SPRY3: variants seen among roughly 807,000 people sequenced by gnomAD.
SPRY3 encodes protein sprouty homolog 3.
A neutral mutation model predicts 20.2 loss-of-function variants in SPRY3; 15 were observed. The ratio of observed to expected loss-of-function variants is 0.74; its 90% CI spans 0.50 to 1.14. The LOEUF is 1.14. SPRY3 is among the 50% of genes most tolerant of loss of function. The probability of loss-of-function intolerance (pLI) is 0.00; values close to 1 mark genes in which losing one functional copy is unlikely to be tolerated. For missense variants in SPRY3, 364 were observed against 363.9 expected (o/e 1.00, Z 0.00); for synonymous variants, 143 against 136.5 (o/e 1.05, Z -0.33).
At chrX:155,767,022 A>C (rs1396099809) in intron 2 of SPRY3, among the ~76,000 whole-genome samples, 3 of 152,130 alleles carry the variant, frequency 2.0e-5, no homozygotes, top group African/African-American at 4.8e-5. Context: ...TGTGATTGGC[A>C]AAGATATTTA....
downstream of SPRY3, chrX:155,781,119 G>C (rs1435790404): frequency 1.2e-5 from 2 of 166,996 alleles, no homozygotes; most frequent in Non-Finnish European, 2.9e-5. Context: ...GATAGAGAGA[G>C]AGAGAGAGAT....
exon 4 of SPRY3, chrX:155,774,995 T>A: frequency 6.9e-6 from 4 of 578,508 alleles, no homozygotes; most frequent in Non-Finnish European, 9.4e-6. Context: ...CAAATTCAGG[T>A]GATATATGGG....
At chrX:155,770,308 G>A (rs2091373036) in intron 3 of SPRY3, among the ~76,000 whole-genome samples, 7 of 152,172 alleles carry the variant, frequency 4.6e-5, no homozygotes, top group Admixed American at 4.6e-4. Context: ...CAACATGGCA[G>A]ATTTTAGGTT....
At chrX:155,629,317 C>T (rs112238226) in intron 1 of SPRY3, among the ~76,000 whole-genome samples, 39 of 110,018 alleles carry the variant, frequency 3.5e-4, no homozygotes, top group Non-Finnish European at 5.7e-4. Flanking sequence ...CCATCCATGT[C>T]GCCACAAAGG....
intron 2 of SPRY3, among the ~76,000 whole-genome samples, chrX:155,672,604 T>C (rs1603130150): frequency 9.1e-6 from 1 of 109,306 alleles, no homozygotes; most frequent in East Asian, 2.9e-4. Context: ...GGAACACTTT[T>C]ACACTGTTGG....
At chrX:155,626,975 A>G (rs1332090146) in intron 1 of SPRY3, among the ~76,000 whole-genome samples, 1 of 111,736 alleles carries the variant, frequency 8.9e-6, no homozygotes, top group East Asian at 2.8e-4. Context: ...ATAAAATTAT[A>G]TGTATTTATT....
chrX:155,723,310 G>T (rs1204851867), intron 2 of SPRY3, among the ~76,000 whole-genome samples: 1 of 152,122 alleles, frequency 6.6e-6, no homozygotes, highest in Non-Finnish European at 1.5e-5. Flanking sequence ...TAATGGGATG[G>T]CTGGGTCAAA....
intron 2 of SPRY3, among the ~76,000 whole-genome samples, chrX:155,722,401 G>A (rs1173013376): frequency 1.3e-5 from 2 of 151,984 alleles, no homozygotes; most frequent in East Asian, 1.9e-4. Context: ...CATGCCTGTG[G>A]TCCCAGCTAC....
At chrX:155,755,386 A>G (rs1364536950) in intron 2 of SPRY3, among the ~76,000 whole-genome samples, 1 of 152,104 alleles carries the variant, frequency 6.6e-6, no homozygotes. Context: ...TACAATAGAC[A>G]TTAACCCTAA....
chrX:155,705,840 A>G (rs1335390707), intron 2 of SPRY3, among the ~76,000 whole-genome samples: 1 of 151,372 alleles, frequency 6.6e-6, no homozygotes, highest in Non-Finnish European at 1.5e-5. Context: ...GCTCTTTACA[A>G]CATAGTACTA....
intron 2 of SPRY3, among the ~76,000 whole-genome samples, chrX:155,724,785 C>T (rs1310848171): frequency 1.3e-5 from 2 of 152,152 alleles, no homozygotes; most frequent in African/African-American, 2.4e-5. Context: ...TTGACTTCCT[C>T]TTTTTCTAAT....
At chrX:155,616,319 A>G (rs782379915) in intron 1 of SPRY3, among the ~76,000 whole-genome samples, 1 of 110,306 alleles carries the variant, frequency 9.1e-6, no homozygotes, top group East Asian at 2.9e-4. Flanking sequence ...ACACTAAGCC[A>G]TATCAGGTCC....
chrX:155,681,005 TTCTC>T (rs1271732108), intron 2 of SPRY3, among the ~76,000 whole-genome samples: 1 of 111,595 alleles, frequency 9.0e-6, no homozygotes, highest in Admixed American at 9.5e-5. Flanking sequence ...TCCCTTGTCT[TTCTC>T]TCTGTCCTTG....
intron 2 of SPRY3, among the ~76,000 whole-genome samples, chrX:155,750,573 T>G (rs1444709388): frequency 6.6e-6 from 1 of 151,978 alleles, no homozygotes; most frequent in Non-Finnish European, 1.5e-5. Flanking sequence ...ATCAACCATG[T>G]AAATGATACC....
chrX:155,713,717 G>C (rs1447971715), intron 2 of SPRY3, among the ~76,000 whole-genome samples: 1 of 151,872 alleles, frequency 6.6e-6, no homozygotes, highest in East Asian at 1.9e-4. Context: ...AGCTTCTTGT[G>C]CTTGAATGTT....
At chrX:155,781,468 G>T (rs1302402971), downstream of SPRY3, 1 of 166,994 alleles carries the variant, frequency 6.0e-6, no homozygotes, top group Admixed American at 6.6e-5. Context: ...CATAAATGCA[G>T]ATAGTGAGGC....
intron 2 of SPRY3, among the ~76,000 whole-genome samples, chrX:155,743,503 T>C (rs1483078171): frequency 6.6e-6 from 1 of 152,164 alleles, no homozygotes; most frequent in Non-Finnish European, 1.5e-5. Context: ...CCACAGTTTC[T>C]TTATGTTTGA....
chrX:155,729,586 C>G (rs2091120238), intron 2 of SPRY3, among the ~76,000 whole-genome samples: 1 of 151,182 alleles, frequency 6.6e-6, no homozygotes, highest in Non-Finnish European at 1.5e-5. Context: ...AAGTTTATAG[C>G]TGTAAGTGCC....
Position 155,776,404 on chromosome X carries a change from G to C in SPRY3, c.*1666G>C, listed in dbSNP as rs964491283. 4 of 167,112 alleles carry C rather than the reference G, an allele frequency of 2.4e-5. No homozygotes were observed. In the Admixed American group the frequency reaches 2.6e-4, roughly 11 times the overall value. 10.4% of individuals were successfully genotyped at this position (167,112 alleles called of 1,614,324 possible). A position where few individuals can be genotyped will look rare whatever the true frequency, so the allele number is the denominator to read the frequency against. On this transcript the variant is annotated 3_prime_UTR_variant, in exon 4 of 4. Transcript: ENST00000675360. ...CCTGAGAACTTAAATTTCAGCAACAGTGAAAAACTGAGATGAAAGATGTAT... is the reference window on the plus strand; with the variant it reads ...CCTGAGAACTTAAATTTCAGCAACACTGAAAAACTGAGATGAAAGATGTAT...
Sources: gnomAD v4.1 joint callset for allele counts (sites outside exome capture counted in the v4.1 genomes callset) on GRCh38, gnomAD v4.1.1 for gene constraint, MANE v1.5 for transcripts, NCBI Gene and HGNC (gene_info 2026-07-23, HGNC 2026-07-21) for gene names.